ARIH1: variants seen among roughly 807,000 people sequenced by gnomAD.
ARIH1 encodes E3 ubiquitin-protein ligase ARIH1.
Under a neutral mutation model 85.0 loss-of-function variants are expected in ARIH1, and 8 were observed. That is an observed-to-expected ratio of 0.09 (90% CI 0.06 to 0.17). The LOEUF (loss-of-function observed/expected upper bound fraction) is 0.17, where lower values mean the gene tolerates loss of function less well. Ranked by LOEUF, ARIH1 falls within the 10% of genes least tolerant of loss-of-function variation. The pLI, the probability that ARIH1 is intolerant of heterozygous loss-of-function variation, is 1.00. For missense variants in ARIH1, 311 were observed against 718.1 expected, an observed-to-expected ratio of 0.43 and a Z score of 6.48; for synonymous variants, 238 against 253.6, an observed-to-expected ratio of 0.94 and a Z score of 0.59.
intron 1 of ARIH1, among the ~76,000 whole-genome samples, chr15:72,487,703 T>C (rs776549265): frequency 2.6e-5 from 4 of 152,214 alleles, no homozygotes; most frequent in East Asian, 1.9e-4. Context: ...CTATCCTTTT[T>C]ACTAACTAAT....
At chr15:72,511,470 A>T (rs2063950291) in intron 1 of ARIH1, among the ~76,000 whole-genome samples, 2 of 151,862 alleles carry the variant, frequency 1.3e-5, no homozygotes, top group Non-Finnish European at 2.9e-5. Context: ...TGCCCTGCTA[A>T]TTTTTTGTAT....
rs1297858630 is a variant in ARIH1, at chr15:72,585,677, GCTTT to G, written c.*2388_*2391del. 2.0e-5 allele frequency: 3 copies of G among 152,148 alleles called. No individual in the cohort carries two copies. Among genetic ancestry groups the G allele is most frequent in the Non-Finnish European group, 4.4e-5 (3 of 68,036 alleles). 9.4% of individuals were successfully genotyped at this position (152,148 alleles called of 1,614,324 possible). On this transcript the variant is annotated 3_prime_UTR_variant, in exon 14 of 14. Coordinates refer to ENST00000379887, the MANE Select transcript of ARIH1 (RefSeq NM_005744.5). ...TGGAGGAACAGTGCTTTTTAGAGAT[GCTTT>G]CTATTTCAATGTTGGCATACTGCCT...
At chr15:72,485,168 G>A (rs532054809) in intron 1 of ARIH1, among the ~76,000 whole-genome samples, 18 of 152,112 alleles carry the variant, frequency 1.2e-4, no homozygotes, top group Non-Finnish European at 2.5e-4. Flanking sequence ...GTACTCTACC[G>A]ATTTTTTCTA....
intron 1 of ARIH1, among the ~76,000 whole-genome samples, chr15:72,475,588 T>C (rs2063791773): frequency 6.6e-6 from 1 of 152,224 alleles, no homozygotes; most frequent in South Asian, 2.1e-4. Flanking sequence ...TGATGGGCCT[T>C]CTTTTCAGAT....
chr15:72,561,469 AT>A lies in ARIH1; in HGVS notation c.738-12del. 2 of 1,556,064 alleles carry A rather than the reference AT, an allele frequency of 1.3e-6. No individual in the cohort carries two copies. The highest frequency in any genetic ancestry group is 8.8e-7 in the Non-Finnish European group (1 of 1,136,304). ...ACTGGAAACTTTCTAATCTATTTTT[AT>A]TCTTGGTTTCAGGCGCCTGATCACA... On this transcript the variant is annotated splice_polypyrimidine_tract_variant and intron_variant, in intron 5 of 13. Transcript: ENST00000379887.
chr15:72,479,080 C>A (rs1330183256), intron 1 of ARIH1, among the ~76,000 whole-genome samples: 3 of 152,100 alleles, frequency 2.0e-5, no homozygotes, highest in African/African-American at 7.2e-5. Flanking sequence ...GCCTCAAGCG[C>A]TCCTTGAACC....
intron 2 of ARIH1, among the ~76,000 whole-genome samples, chr15:72,528,996 C>A (rs558113313): frequency 1.3e-5 from 2 of 151,956 alleles, no homozygotes; most frequent in Non-Finnish European, 1.5e-5. Context: ...GTCAGGAGAT[C>A]GAGACCATCC....
intron 3 of ARIH1, among the ~76,000 whole-genome samples, chr15:72,547,283 A>T (rs1202014173): frequency 6.7e-6 from 1 of 150,012 alleles, no homozygotes; most frequent in Non-Finnish European, 1.5e-5. Flanking sequence ...CCCAGACTGG[A>T]GTGCAATGGC....
At chr15:72,507,016 G>GTATT (rs2063929101) in intron 1 of ARIH1, among the ~76,000 whole-genome samples, 2 of 48,398 alleles carry the variant, frequency 4.1e-5, no homozygotes, top group African/African-American at 9.3e-5. Flanking sequence ...ATGTATGTAT[G>GTATT]TATGTATTTA....
chr15:72,513,136 G>A (rs1019652558), intron 1 of ARIH1, among the ~76,000 whole-genome samples: 7 of 151,980 alleles, frequency 4.6e-5, no homozygotes, highest in African/African-American at 1.5e-4. Context: ...CTTTTAAATG[G>A]TTTGTTTTGA....
chr15:72,488,332 C>T (rs1425750195), intron 1 of ARIH1, among the ~76,000 whole-genome samples: 3 of 152,186 alleles, frequency 2.0e-5, no homozygotes, highest in Admixed American at 1.3e-4. Context: ...CCACCTCAGC[C>T]TCCCAAAGTG....
At chr15:72,565,778 C>G (rs1011173927) in intron 7 of ARIH1, among the ~76,000 whole-genome samples, 1 of 152,084 alleles carries the variant, frequency 6.6e-6, no homozygotes, top group African/African-American at 2.4e-5. Flanking sequence ...ATTTGAAGCT[C>G]CTTGGTTCCC....
intron 11 of ARIH1, 57 bp downstream of exon 11, chr15:72,572,222 A>G (rs1168375971): frequency 8.6e-7 from 1 of 1,160,706 alleles, no homozygotes; most frequent in Non-Finnish European, 1.3e-6. Context: ...GTATATTCAT[A>G]TTCATTAGAG....
chr15:72,557,302 C>CT (rs1013214648), intron 5 of ARIH1, among the ~76,000 whole-genome samples: 14 of 151,298 alleles, frequency 9.3e-5, no homozygotes, highest in African/African-American at 1.7e-4. Context: ...CTTTTTCTTT[C>CT]TTTTTTTTAA....
chr15:72,475,893 G>T (rs1027009816), intron 1 of ARIH1, among the ~76,000 whole-genome samples: 1 of 152,022 alleles, frequency 6.6e-6, no homozygotes, highest in East Asian at 1.9e-4. Flanking sequence ...ATTTAACCAT[G>T]TGCGTCAGAT....
intron 2 of ARIH1, among the ~76,000 whole-genome samples, chr15:72,543,091 C>T (rs1595865835): frequency 6.6e-6 from 1 of 151,856 alleles, no homozygotes; most frequent in East Asian, 1.9e-4. Context: ...TGCCACCGCG[C>T]CCAGCTAATT....
chr15:72,534,204 T>A (rs1173703552), intron 2 of ARIH1, among the ~76,000 whole-genome samples: 1 of 152,132 alleles, frequency 6.6e-6, no homozygotes, highest in Non-Finnish European at 1.5e-5. Flanking sequence ...AGGATGTGTG[T>A]TTAGGTGGTG....
intron 9 of ARIH1, among the ~76,000 whole-genome samples, chr15:72,568,584 T>A (rs2064230708): frequency 6.6e-6 from 1 of 151,798 alleles, no homozygotes; most frequent in Non-Finnish European, 1.5e-5. Flanking sequence ...AACTGAAGAG[T>A]TTTTCTCTTG....
intron 1 of ARIH1, among the ~76,000 whole-genome samples, chr15:72,481,167 C>A (rs1048803821): frequency 4.6e-5 from 7 of 152,128 alleles, no homozygotes; most frequent in African/African-American, 1.7e-4. Flanking sequence ...CCCAGCTGAT[C>A]TCCTTGAGCT....
Sources: gnomAD v4.1 joint callset for allele counts (sites outside exome capture counted in the v4.1 genomes callset) on GRCh38, gnomAD v4.1.1 for gene constraint, MANE v1.5 for transcripts, NCBI Gene and HGNC (gene_info 2026-07-23, HGNC 2026-07-21) for gene names.